Variants in LPO observed in about 807,000 individuals in gnomAD.
LPO encodes the protein salivary peroxidase.
Under a neutral mutation model 68.4 loss-of-function variants are expected in LPO, and 70 were observed. The ratio of observed to expected loss-of-function variants is 1.02; its 90% CI spans 0.84 to 1.25. The LOEUF is 1.25. Ranked by LOEUF, LPO falls within the 50% of genes most tolerant of loss-of-function variation. The probability of loss-of-function intolerance (pLI) is 0.00; values close to 1 mark genes in which losing one functional copy is unlikely to be tolerated. For missense variants in LPO, 873 were observed against 908.4 expected (o/e 0.96, Z 0.50); for synonymous variants, 360 against 357.6 (o/e 1.01, Z -0.08).
At chr17:58,263,617 TG>T (rs771379253) in intron 9 of LPO, among the ~76,000 whole-genome samples, 14 of 152,068 alleles carry the variant, frequency 9.2e-5, no homozygotes, top group Non-Finnish European at 1.8e-4. Context: ...CATGCACCTG[TG>T]GTCTCAGCTA....
intron 9 of LPO, among the ~76,000 whole-genome samples, chr17:58,264,044 C>T (rs1025544708): frequency 2.6e-5 from 4 of 152,072 alleles, no homozygotes; most frequent in African/African-American, 9.7e-5. Context: ...GACACAGAGC[C>T]TCACTGTGAA....
intron 2 of LPO, 107 bp from the exon 3 acceptor site, chr17:58,243,887 T>C: frequency 1.4e-6 from 1 of 738,640 alleles, no homozygotes; most frequent in Non-Finnish European, 2.4e-6. Flanking sequence ...CCTACCCAGA[T>C]TTGAGGGGTG....
chr17:58,254,183 A>AGATAGATAGATAGATG (rs1970025448), intron 8 of LPO, among the ~76,000 whole-genome samples: 1 of 151,802 alleles, frequency 6.6e-6, no homozygotes. Flanking sequence ...ATAGATAGAT[A>AGATAGATAGATAGATG]GATAGATAGA....
In LPO at chr17:58,249,117, C is replaced by A; in HGVS notation, c.383C>A (p.Pro128His). ...GAGGTGGGCTGTGGTGCTCCTGCTC[C>A]CGTGGTGAGATGCGACCCGTGCAGC... ...SLEVGCGAPA[P>H]VVRCDPCSPY... The change falls in exon 5 of 13, where the codon CCC becomes CAC. Residue 128 changes from proline to histidine, a missense_variant. Physicochemically the swap from Pro to His is moderately conservative, Grantham distance 77. Transcript: ENST00000262290. The A allele has an allele frequency of 1.9e-6, 3 of 1,614,208 alleles. No homozygotes were observed. The highest frequency in any genetic ancestry group is 2.5e-6 in the Non-Finnish European group (3 of 1,180,032).
At chr17:58,249,412 G>T (rs1412437116) in intron 5 of LPO, 154 bp from the exon 6 acceptor site, 1 of 1,221,536 alleles carries the variant, frequency 8.2e-7, no homozygotes, top group East Asian at 2.6e-5. Context: ...CGCGCCTTCA[G>T]GGGGTGGGCG....
Position 58,249,136 on chromosome 17 carries a change from G to T in LPO, c.402G>T (p.Pro134=). Residue 134 remains proline, a synonymous_variant, in exon 5 of 13, where the codon CCG becomes CCT. Coordinates refer to ENST00000262290, the MANE Select transcript of LPO (RefSeq NM_006151.3). ...GAPAPVVRCD[P]CSPYRTITGD... The stretch of plus-strand genomic sequence containing the variant: ...CTGCTCCCGTGGTGAGATGCGACCC[G>T]TGCAGCCCTTACCGCACCATTACGG... The T allele has an allele frequency of 6.2e-7, 1 of 1,614,216 alleles. No individual in the cohort carries two copies. Among genetic ancestry groups the T allele is most frequent in the Non-Finnish European group, 8.5e-7 (1 of 1,180,040 alleles).
intron 1 of LPO, among the ~76,000 whole-genome samples, chr17:58,239,354 G>A (rs898259868): frequency 7.3e-5 from 11 of 151,106 alleles, no homozygotes; most frequent in African/African-American, 2.2e-4. Flanking sequence ...TGTATGCAGC[G>A]GTAGTAGGCA....
chr17:58,250,716 C>A, intron 7 of LPO, 95 bp downstream of exon 7: 2 of 1,274,582 alleles, frequency 1.6e-6, no homozygotes, highest in Non-Finnish European at 2.2e-6. Flanking sequence ...CTGGATAGAT[C>A]TGGGATACTG....
At chr17:58,249,423 C>G (rs1969914229) in intron 5 of LPO, 143 bp from the exon 6 acceptor site, 2 of 1,289,478 alleles carry the variant, frequency 1.6e-6, no homozygotes, top group Admixed American at 2.9e-5. Flanking sequence ...GGGGTGGGCG[C>G]AGTTCAGAGA....
At chr17:58,267,322 G>A (rs1175317658) in intron 11 of LPO, 27 bp from the exon 12 acceptor site, 1 of 1,586,428 alleles carries the variant, frequency 6.3e-7, no homozygotes, top group Admixed American at 1.7e-5. Flanking sequence ...TCCCCGGGAT[G>A]AGACAGCCTC....
At chr17:58,245,034 C>A (rs1969828250) in intron 3 of LPO, among the ~76,000 whole-genome samples, 1 of 152,230 alleles carries the variant, frequency 6.6e-6, no homozygotes, top group South Asian at 2.1e-4. Flanking sequence ...CCTCCTCAGC[C>A]CTTGAATGAA....
Position 58,250,487 on chromosome 17 carries a change from C to G in LPO, c.646C>G (p.Leu216Val). The G allele has an allele frequency of 6.2e-7, 1 of 1,614,188 alleles. No homozygotes were observed. The highest frequency in any genetic ancestry group is 8.5e-7 in the Non-Finnish European group (1 of 1,180,030). ...EGVLDQNRSL[L>V]FMQWGQIVDH... is the part of the protein sequence containing the mutation. The stretch of plus-strand genomic sequence containing the variant: ...TGTTCTGGACCAAAACAGGTCCCTG[C>G]TCTTCATGCAGTGGGGTCAGATTGT... The change falls in exon 7 of 13, where the codon CTC (leucine) becomes GTC (valine). Residue 216 changes from leucine to valine, a missense_variant. By Grantham distance (32) the Leu-to-Val change is conservative. Coordinates refer to ENST00000262290, the MANE Select transcript of LPO (RefSeq NM_006151.3).
Position 58,249,121 on chromosome 17 carries a change from G to T in LPO, c.387G>T (p.Val129=), listed in dbSNP as rs1969906845. The change falls in exon 5 of 13, where the codon GTG becomes GTT. Residue 129 remains valine, a synonymous_variant. Transcript: ENST00000262290. ...TGGGCTGTGGTGCTCCTGCTCCCGT[G>T]GTGAGATGCGACCCGTGCAGCCCTT... ...LEVGCGAPAP[V]VRCDPCSPYR... is the part of the protein sequence containing the mutation. The T allele has an allele frequency of 6.2e-7, 1 of 1,614,224 alleles. No individual in the cohort carries two copies. Among genetic ancestry groups the T allele is most frequent in the South Asian group, 1.1e-5 (1 of 91,088 alleles).
intron 8 of LPO, 170 bp from the exon 9 acceptor site, chr17:58,254,641 A>G (rs889290756): frequency 1.7e-5 from 10 of 590,138 alleles, no homozygotes; most frequent in Non-Finnish European, 2.9e-5. Context: ...AGTCAAACCT[A>G]TGATTCAGTA....
chr17:58,264,395 A>T (rs1441585990), intron 9 of LPO, among the ~76,000 whole-genome samples: 2 of 152,204 alleles, frequency 1.3e-5, no homozygotes, highest in Non-Finnish European at 2.9e-5. Context: ...CATTAAAGTG[A>T]CACACAAAGA....
chr17:58,247,449 G>T, intron 3 of LPO, 29 bp from the exon 4 acceptor site: 1 of 1,605,142 alleles, frequency 6.2e-7, no homozygotes, highest in Non-Finnish European at 8.5e-7. Flanking sequence ...CAGGGTCCAG[G>T]CCATGATCCC....
At chr17:58,263,339 G>A (rs1453938615) in intron 9 of LPO, among the ~76,000 whole-genome samples, 1 of 152,154 alleles carries the variant, frequency 6.6e-6, no homozygotes, top group Non-Finnish European at 1.5e-5. Context: ...TTGATTGTCT[G>A]TTTACTCAAA....
chr17:58,267,152 T>C (rs529790856), intron 11 of LPO, among the ~76,000 whole-genome samples, 197 bp from the exon 12 acceptor site: 72 of 152,376 alleles, frequency 4.7e-4, no homozygotes, highest in African/African-American at 1.7e-3. Context: ...GATTGCTTAG[T>C]GGTTACATAG....
At chr17:58,252,887 G>A (rs1443460988) in intron 8 of LPO, among the ~76,000 whole-genome samples, 1 of 151,562 alleles carries the variant, frequency 6.6e-6, no homozygotes, top group Non-Finnish European at 1.5e-5. Context: ...GCCGGGCGTG[G>A]TGGCACACCC....
Sources: gnomAD v4.1 joint callset for allele counts (sites outside exome capture counted in the v4.1 genomes callset) on GRCh38, gnomAD v4.1.1 for gene constraint, MANE v1.5 for transcripts, NCBI Gene and HGNC (gene_info 2026-07-23, HGNC 2026-07-21) for gene names.